FBXL2: variants seen among roughly 807,000 people sequenced by gnomAD.
FBXL2 encodes the protein F-box/LRR-repeat protein 2.
FBXL2 carries 38 observed loss-of-function variants against 69.2 expected under a neutral mutation model. The ratio of observed to expected loss-of-function variants is 0.55; its 90% CI spans 0.42 to 0.72. The LOEUF is 0.72. Among genes scored for constraint, FBXL2 ranks in the 30% least tolerant of loss-of-function variants. The pLI is 0.00. For missense variants in FBXL2, 354 were observed against 520.3 expected, an observed-to-expected ratio of 0.68 and a Z score of 3.11; for synonymous variants, 192 against 201.3, an observed-to-expected ratio of 0.95 and a Z score of 0.39.
In FBXL2 at chr3:33,387,768, T is replaced by TAAGA. The variant is rs1338259286; in HGVS notation, c.*2163_*2166dup. 1 of 152,082 alleles carries TAAGA rather than the reference T, an allele frequency of 6.6e-6. No homozygotes were observed. The highest frequency in any genetic ancestry group is 1.5e-5 in the Non-Finnish European group (1 of 68,062). The allele number at this position is 152,082 out of a possible 1,614,324, so 9.4% of individuals were successfully genotyped here. On this transcript the variant is annotated 3_prime_UTR_variant, in exon 15 of 15. Coordinates refer to ENST00000484457, the MANE Select transcript of FBXL2 (RefSeq NM_012157.5). Reference sequence around the variant, plus strand: ...ATTTACAAAACAGGAGAACCTCTTGTAAGAAAATCAGGTTTGCAGGCTGGG... The same window carrying TAAGA: ...ATTTACAAAACAGGAGAACCTCTTGTAAGAAAGAAAATCAGGTTTGCAGGCTGGG...
chr3:33,398,270 G>C (rs933564177), intron 12 of FBXL2: 4 of 152,176 alleles, frequency 2.6e-5, no homozygotes, highest in Non-Finnish European at 5.9e-5. Context: ...TTTTTTAAAG[G>C]CTCAAATGCA....
At chr3:33,409,489 T>C in the FBXL2 span, 2 of 1,614,046 alleles carry the variant, frequency 1.2e-6, no homozygotes, top group South Asian at 1.1e-5. Context: ...GTGTAGATGA[T>C]CTGTGTATTC....
intron 1 of FBXL2, among the ~76,000 whole-genome samples, chr3:33,279,249 A>G (rs976879637): frequency 1.3e-5 from 2 of 151,544 alleles, no homozygotes; most frequent in Admixed American, 6.6e-5. Flanking sequence ...GGCTGCATAT[A>G]TATGTCATCC....
At chr3:33,305,358 C>T (rs1276488098) in intron 2 of FBXL2, among the ~76,000 whole-genome samples, 2 of 151,746 alleles carry the variant, frequency 1.3e-5, no homozygotes, top group African/African-American at 4.8e-5. Flanking sequence ...TTTCCAGGTT[C>T]GTTTGTTGAA....
At chr3:33,406,595 A>G (rs1398655949), downstream of FBXL2, among the ~76,000 whole-genome samples, 1 of 152,260 alleles carries the variant, frequency 6.6e-6, no homozygotes, top group African/African-American at 2.4e-5. Context: ...AGAGTAATGT[A>G]GAAACACCAA....
At chr3:33,310,782 A>G (rs1198341925) in intron 2 of FBXL2, among the ~76,000 whole-genome samples, 1 of 151,674 alleles carries the variant, frequency 6.6e-6, no homozygotes, top group African/African-American at 2.4e-5. Flanking sequence ...TATATATTTA[A>G]AAAAACATTT....
downstream of FBXL2, among the ~76,000 whole-genome samples, chr3:33,406,980 A>G (rs1309203606): frequency 2.0e-5 from 3 of 152,236 alleles, no homozygotes; most frequent in Admixed American, 2.0e-4. Flanking sequence ...AAGTCTGGAT[A>G]TCCCTTTTTA....
chr3:33,393,495 A>C (rs774152385), intron 12 of FBXL2: 40 of 1,572,044 alleles, frequency 2.5e-5, no homozygotes, highest in Non-Finnish European at 3.4e-5. Flanking sequence ...TTTAACAGTA[A>C]TCTTTGATCT....
rs760524081 is a variant in FBXL2 at position 33,290,872 on chromosome 3, GA to G, written c.4-6790del. Among the ~76,000 whole-genome samples the G allele has an allele frequency of 1.2e-4, 18 of 151,358 alleles. No homozygotes were observed. The Middle Eastern group carries it at 0.01, about 86-fold the overall frequency. On this transcript the variant is annotated intron_variant, in intron 1 of 14. Transcript: ENST00000484457. Reference sequence around the variant, plus strand: ...AGAAAAGAAAAATATATATAAAGGTGAACAGTAATATGAATAATTGACACCT... The same window carrying G: ...AGAAAAGAAAAATATATATAAAGGTGACAGTAATATGAATAATTGACACCT...
intron 2 of FBXL2, among the ~76,000 whole-genome samples, chr3:33,328,287 T>C (rs112481099): frequency 0.014 from 2,182 of 152,276 alleles, 53 homozygotes; most frequent in African/African-American, 0.05. Context: ...CAAAGCAATT[T>C]ATAGATTCAA....
Position 33,386,529 on chromosome 3 carries a change from C to T in FBXL2, c.*921C>T, listed in dbSNP as rs983231792. Reference sequence around the variant, plus strand: ...TTGAAATCTTAAAAATCAGGTTACACCATAGCTACTCAAAAGTTTTACACA... The same window carrying T: ...TTGAAATCTTAAAAATCAGGTTACATCATAGCTACTCAAAAGTTTTACACA... On this transcript the variant is annotated 3_prime_UTR_variant, in exon 15 of 15. Transcript: ENST00000484457. 1.3e-5 allele frequency: 2 copies of T among 151,254 alleles called. No individual in the cohort carries two copies. The highest frequency in any genetic ancestry group is 4.9e-5 in the African/African-American group (2 of 41,072). The allele number at this position is 151,254 out of a possible 1,614,324, so 9.4% of individuals were successfully genotyped here.
chr3:33,411,501 T>G, the FBXL2 span: 1 of 1,187,538 alleles, frequency 8.4e-7, no homozygotes, highest in Non-Finnish European at 1.3e-6. Context: ...TTAAAGGAAA[T>G]GATACTGTAT....
chr3:33,373,164 A>G lies in FBXL2; in HGVS notation c.359+4A>G. On this transcript the variant is annotated splice_donor_region_variant and intron_variant, in intron 6 of 14. Coordinates refer to ENST00000484457, the MANE Select transcript of FBXL2 (RefSeq NM_012157.5). ...GATGCACAAAAATCACTGACAGGTA[A>G]GTAATGAAGATTAATTGGTGACCAA... 6.2e-7 allele frequency: 1 copy of G among 1,613,930 alleles called. No individual in the cohort carries two copies. The highest frequency in any genetic ancestry group is 8.5e-7 in the Non-Finnish European group (1 of 1,179,732).
At position 33,365,755 on chromosome 3, in the gene FBXL2, C is replaced by CAAACA. The variant is rs545215517; in HGVS notation, c.290+1038_290+1039insACAAA. ...CAAACAAACAAACAAACAAACAAACCAACAACAATTTGTGCTTTGAGGATT... is the reference window on the plus strand; with the variant it reads ...CAAACAAACAAACAAACAAACAAACCAAACAAACAACAATTTGTGCTTTGAGGATT... On this transcript the variant is annotated intron_variant, in intron 5 of 14. Coordinates refer to ENST00000484457, the MANE Select transcript of FBXL2 (RefSeq NM_012157.5). 6.8e-4 allele frequency among the ~76,000 whole-genome samples: 47 copies of CAAACA among 68,770 alleles called. 1 individual carries two copies. The Middle Eastern group carries it at 0.02, about 29-fold the overall frequency. The allele number at this position is 68,770 out of a possible 152,430, so 45.1% of individuals were successfully genotyped here. A position where few individuals can be genotyped will look rare whatever the true frequency, so the allele number is the denominator to read the frequency against.
intron 2 of FBXL2, among the ~76,000 whole-genome samples, chr3:33,323,299 T>C (rs188196752): frequency 6.6e-6 from 1 of 152,192 alleles, no homozygotes. Flanking sequence ...AGTTTTAAAA[T>C]GAACCAAATC....
At chr3:33,381,761 C>G (rs551082902) in intron 13 of FBXL2, among the ~76,000 whole-genome samples, 1 of 151,940 alleles carries the variant, frequency 6.6e-6, no homozygotes, top group Non-Finnish European at 1.5e-5. Flanking sequence ...TAAACAGCCT[C>G]CTAAAGAACC....
the FBXL2 span, among the ~76,000 whole-genome samples, chr3:33,419,825 T>C: frequency 4.6e-5 from 7 of 152,232 alleles, no homozygotes; most frequent in African/African-American, 1.7e-4. Flanking sequence ...ACAGTCTAGG[T>C]TGTAACTGAA....
chr3:33,385,709 A>G lies in FBXL2; in HGVS notation c.*101A>G, dbSNP rs1260074387. ...CCATCACCCAATCTGTTGATTCTCC[A>G]TTGGGAAAGGCATTTACAGGTAAAA... On this transcript the variant is annotated 3_prime_UTR_variant, in exon 15 of 15. Coordinates refer to ENST00000484457, the MANE Select transcript of FBXL2 (RefSeq NM_012157.5). 5 of 933,808 alleles carry G rather than the reference A, an allele frequency of 5.4e-6. No individual in the cohort carries two copies. Among genetic ancestry groups the G allele is most frequent in the Non-Finnish European group, 8.6e-6 (5 of 582,280 alleles). The allele number at this position is 933,808 out of a possible 1,614,324, so 57.8% of individuals were successfully genotyped here.
chr3:33,418,781 C>A, the FBXL2 span, among the ~76,000 whole-genome samples: 1 of 149,640 alleles, frequency 6.7e-6, no homozygotes, highest in Non-Finnish European at 1.5e-5. Flanking sequence ...ATCGCTTGAA[C>A]CTGGGAGGCG....
Sources: allele counts gnomAD v4.1 joint callset (sites outside exome capture counted in the v4.1 genomes callset), GRCh38; gene constraint gnomAD v4.1.1; transcripts MANE v1.5; gene names NCBI Gene and HGNC (gene_info 2026-07-23, HGNC 2026-07-21).